Variants in TAB1 observed in about 807,000 individuals in gnomAD.
TAB1 encodes the protein TGF-beta activated kinase 1 (MAP3K7) binding protein 1, also known as TGF-beta-activated kinase 1 and MAP3K7-binding protein 1.
In TAB1, 30 loss-of-function variants were observed where a neutral mutation model predicts 54.5. The ratio of observed to expected loss-of-function variants is 0.55; its 90% confidence interval spans 0.41 to 0.75. The LOEUF (loss-of-function observed/expected upper bound fraction) is 0.75, where lower values mean the gene tolerates loss of function less well. TAB1 is among the 30% of genes least tolerant of loss of function. The probability of loss-of-function intolerance (pLI) is 0.00; values close to 1 mark genes in which losing one functional copy is unlikely to be tolerated. For missense variants in TAB1, 609 were observed against 683.2 expected, an observed-to-expected ratio of 0.89 and a Z score of 1.21; for synonymous variants, 289 against 286.9, an observed-to-expected ratio of 1.01 and a Z score of -0.07.
intron 1 of TAB1, among the ~76,000 whole-genome samples, chr22:39,405,697 G>A (rs565074146): frequency 2.6e-5 from 4 of 152,340 alleles, no homozygotes; most frequent in East Asian, 1.9e-4. Flanking sequence ...GGAAGGAAGC[G>A]AGAGACTTGG....
At chr22:39,410,254 C>A (rs931384786) in intron 1 of TAB1, among the ~76,000 whole-genome samples, 1 of 152,100 alleles carries the variant, frequency 6.6e-6, no homozygotes, top group Admixed American at 6.5e-5. Flanking sequence ...ATTACAGGTG[C>A]GCACCACCAC....
Position 39,430,927 on chromosome 22 carries a change from G to A in TAB1, c.*705G>A. 1.0e-6 allele frequency: 1 copy of A among 987,566 alleles called. No homozygotes were observed. The highest frequency in any genetic ancestry group is 1.2e-6 in the Non-Finnish European group (1 of 831,342). The allele number at this position is 987,566 out of a possible 1,614,324, so 61.2% of individuals were successfully genotyped here. A position where few individuals can be genotyped will look rare whatever the true frequency, so the allele number is the denominator to read the frequency against. ...TGGGCTTCCCCAGAGCCAGGCGTGC[G>A]GGAGAGGTGAGGACTGGCCCCGGTG... is the stretch of plus-strand genomic sequence containing the variant. On this transcript the variant is annotated 3_prime_UTR_variant, in exon 11 of 11. Coordinates refer to ENST00000216160, the MANE Select transcript of TAB1 (RefSeq NM_006116.3).
chr22:39,412,661 A>C (rs184019706), intron 1 of TAB1, among the ~76,000 whole-genome samples: 1 of 152,216 alleles, frequency 6.6e-6, no homozygotes, highest in African/African-American at 2.4e-5. Context: ...TCCTGTCAGT[A>C]TATAACTAAA....
chr22:39,399,876 C>T (rs762731745), intron 1 of TAB1, 41 bp downstream of exon 1: 2 of 1,573,404 alleles, frequency 1.3e-6, no homozygotes, highest in Non-Finnish European at 1.7e-6. Context: ...GGTTGGGAGC[C>T]TGGGCGGGGG....
chr22:39,417,874 A>G, intron 5 of TAB1, 25 bp downstream of exon 5: 6 of 1,587,224 alleles, frequency 3.8e-6, no homozygotes, highest in South Asian at 1.2e-5. Flanking sequence ...GTCCCAGGGC[A>G]GGGAGGACTG....
At chr22:39,418,099 G>A (rs73885214) in intron 5 of TAB1, among the ~76,000 whole-genome samples, 352 of 152,272 alleles carry the variant, frequency 2.3e-3, no homozygotes, top group Non-Finnish European at 1.1e-3. Context: ...TGGACGAGTC[G>A]TATCCCATTC....
Position 39,430,060 on chromosome 22 carries a change from G to A in TAB1, c.1353G>A (p.Gln451=), listed in dbSNP as rs950199734. 7.4e-6 allele frequency: 12 copies of A among 1,614,058 alleles called. No individual in the cohort carries two copies. The highest frequency in any genetic ancestry group is 6.7e-5 in the African/African-American group (5 of 75,056). Residue 451 remains glutamine (Q), a synonymous_variant, in exon 11 of 11, where the codon CAG becomes CAA. Coordinates refer to ENST00000216160, the MANE Select transcript of TAB1 (RefSeq NM_006116.3). The part of the protein sequence containing the change: ...LTLQSTNTHT[Q]SSSSSSDGGL... ...TGCAGTCCACCAACACGCACACGCA[G>A]AGCAGCAGCTCCAGCTCTGACGGAG...
At chr22:39,422,884 ACCT>A (rs1914494833) in intron 8 of TAB1, among the ~76,000 whole-genome samples, 1 of 150,586 alleles carries the variant, frequency 6.6e-6, no homozygotes, top group Non-Finnish European at 1.5e-5. Context: ...TCTTTCCCTG[ACCT>A]CCTTGGATTG....
intron 10 of TAB1, chr22:39,429,428 G>A (rs1214777087): frequency 2.1e-5 from 19 of 923,156 alleles, no homozygotes; most frequent in South Asian, 5.0e-5. Flanking sequence ...GTCCTGTCAC[G>A]GCGTCTCTAG....
At chr22:39,429,385 TC>T (rs1321393486) in intron 10 of TAB1, 6 of 985,136 alleles carry the variant, frequency 6.1e-6, no homozygotes, top group East Asian at 1.1e-4. Context: ...CCGAGGAACT[TC>T]CTGTGATGAC....
At chr22:39,429,345 G>A (rs1250059689) in intron 10 of TAB1, 1 of 985,344 alleles carries the variant, frequency 1.0e-6, no homozygotes, top group Non-Finnish European at 1.2e-6. Flanking sequence ...TTAGAGAGAT[G>A]GTAATGGACA....
intron 7 of TAB1, among the ~76,000 whole-genome samples, chr22:39,420,689 G>A (rs1395574177): frequency 6.6e-6 from 1 of 151,928 alleles, no homozygotes; most frequent in African/African-American, 2.4e-5. Context: ...CACACTCTAG[G>A]ACTCGCTGCC....
chr22:39,415,173 CG>C lies in TAB1; in HGVS notation c.170+35del. ...TGTGCCAGCATTTCTGTGTTGGGCC[CG>C]GGGAGTTGGTTGGTTTGCAAGCAAG... On this transcript the variant is annotated intron_variant, in intron 2 of 10. Coordinates refer to ENST00000216160, the MANE Select transcript of TAB1 (RefSeq NM_006116.3). This position sits in a 1 kb window ranked among gnomAD's most constrained non-coding sequence, Gnocchi z 4.9. The C allele has an allele frequency of 6.5e-7, 1 of 1,543,332 alleles. No individual in the cohort carries two copies. Among genetic ancestry groups the C allele is most frequent in the Non-Finnish European group, 8.8e-7 (1 of 1,142,034 alleles).
intron 8 of TAB1, among the ~76,000 whole-genome samples, chr22:39,425,651 G>A (rs547356537): frequency 2.0e-5 from 3 of 151,072 alleles, no homozygotes; most frequent in East Asian, 2.0e-4. Context: ...CCGGGTTCAC[G>A]CCATTCTGCC....
intron 10 of TAB1, chr22:39,429,260 AG>A: frequency 2.0e-6 from 2 of 985,332 alleles, no homozygotes; most frequent in South Asian, 9.4e-5. Context: ...ATTGAAGGGG[AG>A]GGGGGCGAAG....
At position 39,430,023 on chromosome 22, in the gene TAB1, C is replaced by T. The variant is rs868603929; in HGVS notation, c.1316C>T (p.Pro439Leu). ...CCCCTGTTGTCCTGCAGCCAAAGCCCGACCTTAACCCTGCAGTCCACCAAC... is the reference window on the plus strand; with the variant it reads ...CCCCTGTTGTCCTGCAGCCAAAGCCTGACCTTAACCCTGCAGTCCACCAAC... ...EATPTLTNQS[P>L]TLTLQSTNTH... The change falls in exon 11 of 11, where the codon CCG (proline) becomes CTG (leucine). Residue 439 changes from proline (P) to leucine (L), a missense_variant. Pro to Leu is a moderately conservative substitution (Grantham distance 98). Transcript: ENST00000216160. 8.1e-6 allele frequency: 13 copies of T among 1,613,062 alleles called. No homozygotes were observed. The highest frequency in any genetic ancestry group is 1.7e-5 in the Admixed American group (1 of 59,998).
chr22:39,417,715 T>TC lies in TAB1; in HGVS notation c.419dup (p.Gln141SerfsTer13), dbSNP rs1244445315. 3.7e-6 allele frequency: 6 copies of TC among 1,604,972 alleles called. No individual in the cohort carries two copies. Among genetic ancestry groups the TC allele is most frequent in the African/African-American group, 2.7e-5 (2 of 74,012 alleles). On this transcript the variant is annotated frameshift_variant, in exon 5 of 11. Transcript: ENST00000216160. LOFTEE classifies it high-confidence loss of function. ...ACCCTCTGTTGATGGTTGTAGGGAG[T>TC]CCCTCAGCACCAGCTGCCTCCTCAG...
chr22:39,411,505 C>T (rs984569999), intron 1 of TAB1, among the ~76,000 whole-genome samples: 6 of 152,142 alleles, frequency 3.9e-5, no homozygotes, highest in African/African-American at 1.4e-4. Context: ...TGTCGTTAGC[C>T]GTTAGGAAGT....
At position 39,415,265 on chromosome 22, in the gene TAB1, G is replaced by A; in HGVS notation, c.170+123G>A. The A allele has an allele frequency of 7.9e-7, 1 of 1,272,732 alleles. No individual in the cohort carries two copies. Among genetic ancestry groups the A allele is most frequent in the Non-Finnish European group, 1.1e-6 (1 of 930,066 alleles). The allele number at this position is 1,272,732 out of a possible 1,614,324, so 78.8% of individuals were successfully genotyped here. Reference sequence around the variant, plus strand: ...AGTGACATGTGGCCCGTGAGAGGTGGCCTCTGCTGCTGTCTTGCCAAGGGC... The same window carrying A: ...AGTGACATGTGGCCCGTGAGAGGTGACCTCTGCTGCTGTCTTGCCAAGGGC... On this transcript the variant is annotated intron_variant, in intron 2 of 10. Transcript: ENST00000216160. The surrounding 1 kb of genome is among the most constrained non-coding windows in gnomAD (Gnocchi z 4.9).
Sources: gnomAD v4.1 joint callset for allele counts (sites outside exome capture counted in the v4.1 genomes callset) on GRCh38, gnomAD v4.1.1 for gene constraint, Gnocchi (gnomAD v3.1) non-coding constraint, MANE v1.5 for transcripts, NCBI Gene and HGNC (gene_info 2026-07-23, HGNC 2026-07-21) for gene names.